ARL15: variants seen among roughly 807,000 people sequenced by gnomAD.
The protein encoded by ARL15 is ARF like GTPase 15.
A neutral mutation model predicts 25.2 loss-of-function variants in ARL15; 19 were observed. That is an observed-to-expected ratio of 0.75 (90% CI 0.53 to 1.10). The LOEUF is 1.10. Ranked by LOEUF, ARL15 falls within the 50% of genes least tolerant of loss-of-function variation. ARL15 has a pLI of 0.00. For missense variants in ARL15, 220 were observed against 246.0 expected (o/e 0.89, Z 0.71); for synonymous variants, 94 against 86.8 (o/e 1.08, Z -0.46).
chr5:53,959,868 T>G (rs907560713), intron 4 of ARL15, among the ~76,000 whole-genome samples: 1 of 152,178 alleles, frequency 6.6e-6, no homozygotes, highest in Admixed American at 6.5e-5. Flanking sequence ...CATTTTACTT[T>G]GCTATCTTGT....
chr5:54,052,561 C>T (rs763566747), intron 4 of ARL15, among the ~76,000 whole-genome samples: 3 of 151,984 alleles, frequency 2.0e-5, no homozygotes, highest in East Asian at 1.9e-4. Flanking sequence ...TGGTGGATAG[C>T]GTGAGCCAGA....
At chr5:53,922,924 GCTGA>G (rs1483289894) in intron 4 of ARL15, among the ~76,000 whole-genome samples, 5 of 152,272 alleles carry the variant, frequency 3.3e-5, no homozygotes, top group Non-Finnish European at 7.4e-5. Flanking sequence ...CATAAATGCT[GCTGA>G]CTGACTGACA....
chr5:53,968,946 G>A (rs1380174049), intron 4 of ARL15, among the ~76,000 whole-genome samples: 1 of 151,332 alleles, frequency 6.6e-6, no homozygotes, highest in South Asian at 2.1e-4. Flanking sequence ...TCGGGAGTTC[G>A]AGACCAGCCT....
At position 53,987,447 on chromosome 5, in the gene ARL15, T is replaced by C. The variant is rs1393653253; in HGVS notation, c.463-100734A>G. Among the ~76,000 whole-genome samples, 3 of 149,442 alleles carry C rather than the reference T, an allele frequency of 2.0e-5. 1 individual carries two copies. Among genetic ancestry groups the C allele is most frequent in the Non-Finnish European group, 3.0e-5 (2 of 67,780 alleles). The stretch of plus-strand genomic sequence containing the variant: ...AGGCCCAATCCTTTTAAGCTTTTAA[T>C]TGGGCTTCCATCCACAAACCCCTTT... On this transcript the variant is annotated intron_variant, in intron 4 of 4. Transcript: ENST00000504924.
At chr5:54,124,251 TC>T (rs1195935867) in intron 3 of ARL15, among the ~76,000 whole-genome samples, 1 of 152,216 alleles carries the variant, frequency 6.6e-6, no homozygotes, top group East Asian at 1.9e-4. Context: ...TAAGAAGATA[TC>T]ACTCCTTTCA....
At chr5:54,074,516 C>T (rs3776686) in intron 4 of ARL15, among the ~76,000 whole-genome samples, 35,189 of 152,046 alleles carry the variant, frequency 0.23, 4,658 homozygotes, top group African/African-American at 0.37. Flanking sequence ...AGATATTTAA[C>T]TTTTAATTTT....
intron 4 of ARL15, among the ~76,000 whole-genome samples, chr5:54,055,755 G>A (rs1055585334): frequency 6.6e-6 from 1 of 152,024 alleles, no homozygotes; most frequent in Non-Finnish European, 1.5e-5. Context: ...CTCTCTGCTT[G>A]TCAAGTTCCT....
intron 2 of ARL15, among the ~76,000 whole-genome samples, chr5:54,170,067 A>G (rs1210958794): frequency 6.6e-6 from 1 of 152,188 alleles, no homozygotes; most frequent in Admixed American, 6.5e-5. Flanking sequence ...GTTCTTGATC[A>G]ACAATATCCT....
chr5:53,959,526 G>C (rs1747292389), intron 4 of ARL15, among the ~76,000 whole-genome samples: 1 of 152,162 alleles, frequency 6.6e-6, no homozygotes, highest in African/African-American at 2.4e-5. Flanking sequence ...TTATGTAGAA[G>C]ATATGCTAAG....
intron 4 of ARL15, among the ~76,000 whole-genome samples, chr5:54,079,025 ACT>A (rs2112101871): frequency 6.6e-6 from 1 of 152,340 alleles, no homozygotes; most frequent in Admixed American, 6.5e-5. Flanking sequence ...GATTTAATTT[ACT>A]GTTATTTTTA....
intron 1 of ARL15, among the ~76,000 whole-genome samples, chr5:54,289,094 C>T (rs1025733721): frequency 6.6e-6 from 1 of 152,166 alleles, no homozygotes; most frequent in Non-Finnish European, 1.5e-5. Context: ...CCCAGGGTGG[C>T]AAGTGTAGCA....
At chr5:53,987,866 G>T (rs1231964680) in intron 4 of ARL15, among the ~76,000 whole-genome samples, 2 of 152,228 alleles carry the variant, frequency 1.3e-5, no homozygotes, top group Non-Finnish European at 2.9e-5. Flanking sequence ...ACTTTGGAAG[G>T]CCGAGGTGGG....
At chr5:54,030,566 C>CTGAA (rs1266630979) in intron 4 of ARL15, among the ~76,000 whole-genome samples, 1 of 152,160 alleles carries the variant, frequency 6.6e-6, no homozygotes, top group Non-Finnish European at 1.5e-5. Context: ...ATACAAAGAT[C>CTGAA]TGAAGCAAGG....
At position 54,068,087 on chromosome 5, in the gene ARL15, T is replaced by C. The variant is rs571937527; in HGVS notation, c.462+45115A>G. On this transcript the variant is annotated intron_variant, in intron 4 of 4. Coordinates refer to ENST00000504924, the MANE Select transcript of ARL15 (RefSeq NM_019087.3). ...AATAAAGAGCTGGAGGATAAGAAAA[T>C]AATGGTTCCAAGAACTTGCCTACAG... Among the ~76,000 whole-genome samples the C allele has an allele frequency of 4.6e-5, 7 of 152,250 alleles. No individual in the cohort carries two copies. The South Asian group carries it at 1.5e-3, about 32-fold the overall frequency.
chr5:54,200,061 G>A (rs867755415), intron 1 of ARL15, among the ~76,000 whole-genome samples: 8 of 148,422 alleles, frequency 5.4e-5, no homozygotes, highest in African/African-American at 9.9e-5. Context: ...ACCAAACACC[G>A]CATGTTCTCA....
intron 4 of ARL15, among the ~76,000 whole-genome samples, chr5:53,975,780 T>C (rs1278550517): frequency 6.6e-6 from 1 of 152,116 alleles, no homozygotes; most frequent in Admixed American, 6.6e-5. Flanking sequence ...GGTGAGTGAG[T>C]AGAACATGTT....
chr5:54,061,054 C>T (rs1751046410), intron 4 of ARL15, among the ~76,000 whole-genome samples: 1 of 152,162 alleles, frequency 6.6e-6, no homozygotes. Context: ...GGAAAAATGT[C>T]CCCAGGGCAT....
intron 4 of ARL15, among the ~76,000 whole-genome samples, chr5:54,021,570 A>G (rs1368306234): frequency 6.6e-6 from 1 of 152,190 alleles, no homozygotes; most frequent in Non-Finnish European, 1.5e-5. Context: ...AACAGAAATT[A>G]CTCAATCTGA....
At chr5:54,103,454 T>C (rs1752501534) in intron 4 of ARL15, among the ~76,000 whole-genome samples, 1 of 152,156 alleles carries the variant, frequency 6.6e-6, no homozygotes, top group African/African-American at 2.4e-5. Flanking sequence ...GTAATGTGAC[T>C]ATTGAAATAA....
Sources: allele counts gnomAD v4.1 joint callset (sites outside exome capture counted in the v4.1 genomes callset), GRCh38; gene constraint gnomAD v4.1.1; transcripts MANE v1.5; gene names NCBI Gene and HGNC (gene_info 2026-07-23, HGNC 2026-07-21).